Variants in ZNRF3 observed in about 807,000 individuals in gnomAD.
ZNRF3 encodes the protein zinc and ring finger 3.
In ZNRF3, 23 loss-of-function variants were observed where a neutral mutation model predicts 72.5. The observed-to-expected ratio is 0.32, with a 90% CI of 0.23 to 0.45. The LOEUF is 0.45. Among genes scored for constraint, ZNRF3 ranks in the 20% least tolerant of loss-of-function variants. ZNRF3 has a pLI of 1.00. For synonymous variants in ZNRF3, 610 were observed against 545.3 expected (o/e 1.12, Z -1.65); for missense variants, 1,169 against 1,272.1 (o/e 0.92, Z 1.23).
At chr22:28,908,264 C>A (rs1601545122) in intron 1 of ZNRF3, among the ~76,000 whole-genome samples, 1 of 152,258 alleles carries the variant, frequency 6.6e-6, no homozygotes, top group Middle Eastern at 3.4e-3. Context: ...TGAAGTGAAG[C>A]TCAGCTTTCT....
chr22:28,964,536 G>T (rs1451212415), intron 1 of ZNRF3, among the ~76,000 whole-genome samples: 4 of 152,174 alleles, frequency 2.6e-5, no homozygotes, highest in Non-Finnish European at 5.9e-5. Context: ...CAGTTCACAG[G>T]AGGCTTTCAG....
intron 2 of ZNRF3, among the ~76,000 whole-genome samples, chr22:29,003,564 G>C (rs1254753263): frequency 1.3e-5 from 2 of 151,586 alleles, no homozygotes; most frequent in Non-Finnish European, 2.9e-5. Flanking sequence ...CTTAAGAAGT[G>C]ACTGAAGGCT....
intron 2 of ZNRF3, among the ~76,000 whole-genome samples, chr22:29,006,573 CT>C (rs1451754159): frequency 6.6e-6 from 1 of 152,190 alleles, no homozygotes; most frequent in African/African-American, 2.4e-5. Context: ...CCTTATCAGT[CT>C]CCAGGCTGGC....
Position 29,044,842 on chromosome 22 carries a change from C to G in ZNRF3, c.696C>G (p.Val232=). ...CTTTCTTCGTCGTGGTCTCCTTGGT[C>G]TGCCTCATCCTCCTTGTCAAAATCA... The part of the protein sequence containing the change: ...FLAFFVVVSL[V]CLILLVKIKL... Residue 232 remains valine (V), a synonymous_variant, in exon 5 of 9, where the codon GTC becomes GTG. Coordinates refer to ENST00000544604, the MANE Select transcript of ZNRF3 (RefSeq NM_001206998.2). 6.2e-7 allele frequency: 1 copy of G among 1,614,122 alleles called. No individual in the cohort carries two copies. The highest frequency in any genetic ancestry group is 8.5e-7 in the Non-Finnish European group (1 of 1,180,026).
chr22:29,002,721 A>T (rs181508948), intron 2 of ZNRF3, among the ~76,000 whole-genome samples: 1 of 152,320 alleles, frequency 6.6e-6, no homozygotes, highest in Admixed American at 6.5e-5. Context: ...TGCTCCTAAG[A>T]ACAGCAGCAA....
At chr22:28,989,064 T>C (rs1308153482) in intron 2 of ZNRF3, among the ~76,000 whole-genome samples, 1 of 152,228 alleles carries the variant, frequency 6.6e-6, no homozygotes, top group Non-Finnish European at 1.5e-5. Context: ...AGGCATATAT[T>C]GAATCATTAA....
At chr22:28,984,032 C>T (rs1482244335) in intron 1 of ZNRF3, among the ~76,000 whole-genome samples, 2 of 151,954 alleles carry the variant, frequency 1.3e-5, no homozygotes, top group Non-Finnish European at 2.9e-5. Context: ...ACCACATTGT[C>T]CTTCACTGTG....
intron 1 of ZNRF3, among the ~76,000 whole-genome samples, chr22:28,902,464 A>T (rs1399314881): frequency 6.6e-6 from 1 of 150,658 alleles, no homozygotes; most frequent in Non-Finnish European, 1.5e-5. Flanking sequence ...TTCGCTACGA[A>T]CTCCCTGTCC....
At chr22:28,944,268 AT>A (rs898062384) in intron 1 of ZNRF3, among the ~76,000 whole-genome samples, 123 of 146,364 alleles carry the variant, frequency 8.4e-4, no homozygotes, top group African/African-American at 2.3e-3. Context: ...TTGGGGGAAC[AT>A]TTTTTTTTTC....
chr22:28,953,939 T>G (rs1303200796), intron 1 of ZNRF3, among the ~76,000 whole-genome samples: 1 of 152,190 alleles, frequency 6.6e-6, no homozygotes, highest in East Asian at 1.9e-4. Context: ...GGTCACCCAC[T>G]GCCATTGACT....
intron 8 of ZNRF3, among the ~76,000 whole-genome samples, chr22:29,051,417 A>G (rs1484378972): frequency 6.6e-6 from 1 of 152,036 alleles, no homozygotes; most frequent in Non-Finnish European, 1.5e-5. Context: ...ATTATGTAGG[A>G]GCCACTTCAT....
chr22:28,925,220 T>C (rs1190340699), intron 1 of ZNRF3, among the ~76,000 whole-genome samples: 1 of 152,196 alleles, frequency 6.6e-6, no homozygotes, highest in Non-Finnish European at 1.5e-5. Context: ...TACATCAGAA[T>C]TCAGGGTCAG....
intron 2 of ZNRF3, among the ~76,000 whole-genome samples, chr22:29,016,189 T>C (rs1021965293): frequency 6.6e-6 from 1 of 152,204 alleles, no homozygotes; most frequent in Admixed American, 6.5e-5. Flanking sequence ...ATCGACCTCA[T>C]GTTCACATGA....
chr22:28,898,595 T>C (rs2034043756), intron 1 of ZNRF3, among the ~76,000 whole-genome samples: 1 of 152,222 alleles, frequency 6.6e-6, no homozygotes, highest in South Asian at 2.1e-4. Context: ...TTTGGAGGCG[T>C]AGTAGAAGTT....
intron 1 of ZNRF3, among the ~76,000 whole-genome samples, chr22:28,984,217 T>C (rs1268959798): frequency 6.6e-6 from 1 of 152,184 alleles, no homozygotes; most frequent in Non-Finnish European, 1.5e-5. Flanking sequence ...ATTTAATATG[T>C]TCACAGTGTT....
chr22:29,052,648 G>A (rs1029406437), intron 8 of ZNRF3, among the ~76,000 whole-genome samples: 4 of 148,936 alleles, frequency 2.7e-5, no homozygotes, highest in Admixed American at 6.7e-5. Flanking sequence ...AGCTGAGATC[G>A]CCCCATCGTA....
At chr22:29,014,115 C>A (rs1016654878) in intron 2 of ZNRF3, among the ~76,000 whole-genome samples, 1 of 152,070 alleles carries the variant, frequency 6.6e-6, no homozygotes, top group Non-Finnish European at 1.5e-5. Context: ...TGTGTCATTG[C>A]TGTAAAGTCA....
intron 1 of ZNRF3, among the ~76,000 whole-genome samples, chr22:28,945,535 T>A (rs922422201): frequency 6.6e-6 from 1 of 151,754 alleles, no homozygotes; most frequent in African/African-American, 2.4e-5. Context: ...TATTTTTTTT[T>A]TTTTTTCTTT....
intron 1 of ZNRF3, among the ~76,000 whole-genome samples, chr22:28,975,267 G>C (rs1377338807): frequency 1.3e-5 from 2 of 152,010 alleles, no homozygotes; most frequent in African/African-American, 2.4e-5. Context: ...ACTTTGGGAG[G>C]CCGAGGTGGG....
Sources: gnomAD v4.1 joint callset for allele counts (sites outside exome capture counted in the v4.1 genomes callset) on GRCh38, gnomAD v4.1.1 for gene constraint, MANE v1.5 for transcripts, NCBI Gene and HGNC (gene_info 2026-07-23, HGNC 2026-07-21) for gene names.